PHYHIPL: variants seen among roughly 807,000 people sequenced by gnomAD.
PHYHIPL encodes phytanoyl-CoA hydroxylase-interacting protein-like.
Under a neutral mutation model 33.4 loss-of-function variants are expected in PHYHIPL, and 9 were observed. That is an observed-to-expected ratio of 0.27 (90% confidence interval 0.16 to 0.47). The LOEUF is 0.47. PHYHIPL is among the 20% of genes least tolerant of loss of function. The pLI, the probability that PHYHIPL is intolerant of heterozygous loss-of-function variation, is 0.99. For synonymous variants in PHYHIPL, 153 were observed against 154.1 expected (o/e 0.99, Z 0.05); for missense variants, 365 against 460.7 (o/e 0.79, Z 1.90).
At chr10:59,221,781 G>T in intron 1 of PHYHIPL, 1 of 711,210 alleles carries the variant, frequency 1.4e-6, no homozygotes, top group African/African-American at 1.9e-5. Context: ...TGAATTAACT[G>T]CATTTAGATT....
intron 1 of PHYHIPL, among the ~76,000 whole-genome samples, chr10:59,185,588 A>G (rs1331058714): frequency 6.6e-6 from 1 of 152,160 alleles, no homozygotes; most frequent in Admixed American, 6.5e-5. Flanking sequence ...GCAACAGTGT[A>G]AAAGTGTTCA....
At chr10:59,230,139 T>G (rs1329750435) in intron 1 of PHYHIPL, among the ~76,000 whole-genome samples, 1 of 152,174 alleles carries the variant, frequency 6.6e-6, no homozygotes, top group Non-Finnish European at 1.5e-5. Context: ...CCTTTCAAGT[T>G]TCTCTTGATA....
chr10:59,223,479 C>G (rs1200258175), intron 1 of PHYHIPL, among the ~76,000 whole-genome samples: 2 of 152,152 alleles, frequency 1.3e-5, no homozygotes, highest in Non-Finnish European at 2.9e-5. Flanking sequence ...ACCTAAGATA[C>G]TTATCCTCAG....
intron 1 of PHYHIPL, among the ~76,000 whole-genome samples, chr10:59,181,210 T>C (rs1479487679): frequency 6.6e-6 from 1 of 152,222 alleles, no homozygotes; most frequent in African/African-American, 2.4e-5. Flanking sequence ...ATTATTATTC[T>C]GAATGGAATA....
intron 3 of PHYHIPL, among the ~76,000 whole-genome samples, chr10:59,238,162 T>A (rs1840283006): frequency 6.6e-6 from 1 of 152,004 alleles, no homozygotes; most frequent in Non-Finnish European, 1.5e-5. Flanking sequence ...AAGCATCTTG[T>A]GTACCCAAGT....
chr10:59,223,095 T>C (rs1433208), intron 1 of PHYHIPL, among the ~76,000 whole-genome samples: 29,578 of 152,128 alleles, frequency 0.19, 3,616 homozygotes, highest in African/African-American at 0.33. Flanking sequence ...ATGTGGGATA[T>C]AGCTATCAAC....
At chr10:59,177,252 T>C in intron 1 of PHYHIPL, 1 of 592,846 alleles carries the variant, frequency 1.7e-6, no homozygotes, top group South Asian at 2.3e-5. Context: ...TCGCGGCTCC[T>C]GCCCCGACGA....
At chr10:59,181,648 T>G (rs1191279847) in intron 1 of PHYHIPL, among the ~76,000 whole-genome samples, 1 of 152,214 alleles carries the variant, frequency 6.6e-6, no homozygotes, top group Non-Finnish European at 1.5e-5. Flanking sequence ...ACACGTAGCA[T>G]GTAGATTAAT....
At chr10:59,201,250 A>G (rs1360876715) in intron 1 of PHYHIPL, among the ~76,000 whole-genome samples, 2 of 152,136 alleles carry the variant, frequency 1.3e-5, no homozygotes, top group Non-Finnish European at 2.9e-5. Context: ...AGATTCTGGT[A>G]TGTTGTGTCT....
intron 1 of PHYHIPL, among the ~76,000 whole-genome samples, chr10:59,186,824 A>G (rs966957284): frequency 4.6e-5 from 7 of 152,092 alleles, no homozygotes; most frequent in Non-Finnish European, 1.0e-4. Context: ...TTATCCTGAG[A>G]CTTTGCTGAA....
chr10:59,188,551 A>G (rs540079342), intron 1 of PHYHIPL, among the ~76,000 whole-genome samples: 16 of 152,212 alleles, frequency 1.1e-4, no homozygotes, highest in African/African-American at 3.6e-4. Context: ...GATCTGTCTA[A>G]TGTTGACAGT....
At chr10:59,201,510 G>A (rs550572033) in intron 1 of PHYHIPL, among the ~76,000 whole-genome samples, 186 of 152,280 alleles carry the variant, frequency 1.2e-3, no homozygotes, top group African/African-American at 4.3e-3. Flanking sequence ...GGTGTGATGT[G>A]GTGCTGAGAA....
At chr10:59,176,431 G>C (rs1012306626), upstream of PHYHIPL, among the ~76,000 whole-genome samples, 1 of 152,002 alleles carries the variant, frequency 6.6e-6, no homozygotes, top group Admixed American at 6.6e-5. Context: ...CGCCTCACGC[G>C]CGAGGTTGCC....
At chr10:59,204,176 A>T (rs1335139798) in intron 1 of PHYHIPL, among the ~76,000 whole-genome samples, 3 of 152,234 alleles carry the variant, frequency 2.0e-5, no homozygotes, top group Non-Finnish European at 4.4e-5. Context: ...AGTAAAACAA[A>T]CAAAGTATAA....
upstream of PHYHIPL, among the ~76,000 whole-genome samples, chr10:59,175,534 A>G (rs2133165820): frequency 6.6e-6 from 1 of 152,328 alleles, no homozygotes; most frequent in Non-Finnish European, 1.5e-5. Context: ...GCACATTAAG[A>G]AAAGAGGGGA....
chr10:59,180,340 A>AAG (rs1564698936), intron 1 of PHYHIPL, among the ~76,000 whole-genome samples: 1 of 78,854 alleles, frequency 1.3e-5, no homozygotes, highest in Admixed American at 1.8e-4. Flanking sequence ...ATATATATAT[A>AAG]TATATATATA....
chr10:59,229,966 T>C (rs2133276939), intron 1 of PHYHIPL, among the ~76,000 whole-genome samples: 1 of 152,348 alleles, frequency 6.6e-6, no homozygotes, highest in East Asian at 1.9e-4. Flanking sequence ...TTTAGTTTGC[T>C]TTAACAATAT....
At chr10:59,186,264 T>G (rs552193105) in intron 1 of PHYHIPL, among the ~76,000 whole-genome samples, 1 of 152,314 alleles carries the variant, frequency 6.6e-6, no homozygotes, top group African/African-American at 2.4e-5. Context: ...TTGTCAAAGA[T>G]CAGATAGTTG....
In PHYHIPL at chr10:59,200,690, A is replaced by G. The variant is rs572476805; in HGVS notation, c.106+23731A>G. Reference sequence around the variant, plus strand: ...CGGCTGTGAATCCATCTGGTCCTGGACTTTTTTTGGTTGGTAAGCTATTAT... The same window carrying G: ...CGGCTGTGAATCCATCTGGTCCTGGGCTTTTTTTGGTTGGTAAGCTATTAT... On this transcript the variant is annotated intron_variant, in intron 1 of 4. Transcript: ENST00000373880. Among the ~76,000 whole-genome samples, 12 of 152,066 alleles carry G rather than the reference A, an allele frequency of 7.9e-5. No individual in the cohort carries two copies. The South Asian group carries it at 2.5e-3, about 32-fold the overall frequency.
Sources: gnomAD v4.1 joint callset for allele counts (sites outside exome capture counted in the v4.1 genomes callset) on GRCh38, gnomAD v4.1.1 for gene constraint, MANE v1.5 for transcripts, NCBI Gene and HGNC (gene_info 2026-07-23, HGNC 2026-07-21) for gene names.